The following DCLK1 variants were observed in gnomAD, a reference collection of about 807,000 sequenced individuals.
DCLK1 encodes serine/threonine-protein kinase DCLK1.
In DCLK1, 16 loss-of-function variants were observed where a neutral mutation model predicts 86.2. The ratio of observed to expected loss-of-function variants is 0.19; its 90% CI spans 0.13 to 0.28. DCLK1 has a LOEUF of 0.28. Among genes scored for constraint, DCLK1 ranks in the 10% least tolerant of loss-of-function variants. The pLI, the probability that DCLK1 is intolerant of heterozygous loss-of-function variation, is 1.00. For synonymous variants in DCLK1, 369 were observed against 370.5 expected (o/e 1.00, Z 0.05); for missense variants, 590 against 940.2 (o/e 0.63, Z 4.87).
intron 3 of DCLK1, among the ~76,000 whole-genome samples, chr13:36,037,820 C>T (rs1415787238): frequency 1.3e-5 from 2 of 151,800 alleles, no homozygotes; most frequent in East Asian, 1.9e-4. Flanking sequence ...ATGAATTTAT[C>T]TAATTATCAC....
At chr13:35,912,998 C>G (rs966053669) in intron 4 of DCLK1, among the ~76,000 whole-genome samples, 1 of 152,222 alleles carries the variant, frequency 6.6e-6, no homozygotes, top group African/African-American at 2.4e-5. Context: ...ATGCTCCTTC[C>G]TGCAAAAGGT....
intron 4 of DCLK1, among the ~76,000 whole-genome samples, chr13:35,913,291 TAAAAGATAA>T (rs1191271928): frequency 6.6e-6 from 1 of 152,086 alleles, no homozygotes; most frequent in African/African-American, 2.4e-5. Context: ...CCTGGATACT[TAAAAGATAA>T]GGAAGATAAT....
intron 3 of DCLK1, among the ~76,000 whole-genome samples, chr13:36,108,506 T>G (rs1885486178): frequency 6.6e-6 from 1 of 152,152 alleles, no homozygotes; most frequent in Non-Finnish European, 1.5e-5. Context: ...CAGCATGTGG[T>G]CTGTGCCCTC....
At chr13:35,901,976 G>A (rs1282596571) in intron 4 of DCLK1, among the ~76,000 whole-genome samples, 2 of 152,156 alleles carry the variant, frequency 1.3e-5, no homozygotes, top group Admixed American at 1.3e-4. Context: ...AATGGCAGAA[G>A]AAATTGAACA....
At chr13:36,028,228 G>T (rs1164286432) in intron 3 of DCLK1, among the ~76,000 whole-genome samples, 1 of 152,170 alleles carries the variant, frequency 6.6e-6, no homozygotes, top group Non-Finnish European at 1.5e-5. Context: ...TACACCACTT[G>T]TAGTTAAGAT....
At chr13:36,049,751 T>C (rs1883059823) in intron 3 of DCLK1, among the ~76,000 whole-genome samples, 1 of 152,176 alleles carries the variant, frequency 6.6e-6, no homozygotes, top group African/African-American at 2.4e-5. Flanking sequence ...AAAATATGTA[T>C]AAGTCCTTAC....
At chr13:35,826,563 C>CG (rs1868479779) in intron 10 of DCLK1, among the ~76,000 whole-genome samples, 1 of 27,672 alleles carries the variant, frequency 3.6e-5, no homozygotes, top group Non-Finnish European at 1.4e-4. Context: ...AAGAAAGAAA[C>CG]AAGTCCTAAT....
intron 3 of DCLK1, among the ~76,000 whole-genome samples, chr13:35,963,031 G>A (rs1019988794): frequency 1.3e-5 from 2 of 152,112 alleles, no homozygotes; most frequent in Non-Finnish European, 2.9e-5. Flanking sequence ...AAGGAATCAC[G>A]ACAATGCCCC....
At chr13:36,085,754 G>C (rs1441426464) in intron 3 of DCLK1, among the ~76,000 whole-genome samples, 1 of 152,148 alleles carries the variant, frequency 6.6e-6, no homozygotes, top group Non-Finnish European at 1.5e-5. Context: ...CTCCCTGGGA[G>C]GGAAGGCTGG....
At chr13:36,034,543 T>G (rs1037998023) in intron 3 of DCLK1, among the ~76,000 whole-genome samples, 1 of 152,168 alleles carries the variant, frequency 6.6e-6, no homozygotes, top group East Asian at 1.9e-4. Context: ...AATTAAAAAA[T>G]TAGCCCAACA....
rs143891486 is a variant in DCLK1 at position 35,785,308 on chromosome 13, A to G, written c.2058+8058T>C. On this transcript the variant is annotated intron_variant, in intron 16 of 16. Transcript: ENST00000360631. ...TGTGTGACAGCGTCCCCTTTGAATAAGGATGCATTTCCAGGAAGGGGAAAA... is the reference window on the plus strand; with the variant it reads ...TGTGTGACAGCGTCCCCTTTGAATAGGGATGCATTTCCAGGAAGGGGAAAA... 8.4e-4 allele frequency among the ~76,000 whole-genome samples: 128 copies of G among 152,214 alleles called. 1 individual carries two copies. In the East Asian group the frequency reaches 0.023, roughly 27 times the overall value.
chr13:35,855,422 A>G (rs531122934), intron 5 of DCLK1: 1 of 1,301,722 alleles, frequency 7.7e-7, no homozygotes, highest in African/African-American at 1.5e-5. Flanking sequence ...ACAGTCAGTG[A>G]AGTAGAATTA....
Position 36,125,991 on chromosome 13 carries a change from C to T in DCLK1, c.147G>A (p.Thr49=), listed in dbSNP as rs200647366. 4.6e-5 allele frequency: 74 copies of T among 1,614,042 alleles called. No homozygotes were observed. Among genetic ancestry groups the T allele is most frequent in the Admixed American group, 1.7e-4 (10 of 60,008 alleles). Residue 49 remains threonine (T), a synonymous_variant, in exon 2 of 17, where the codon ACG becomes ACA. Coordinates refer to ENST00000360631, the MANE Select transcript of DCLK1 (RefSeq NM_001330071.2). ...TCTTGGCCTTCTTCTCGGAGCTGAGCGTCTGCAGCGTGCGGGTGCGGTAGA... is the reference window on the plus strand; with the variant it reads ...TCTTGGCCTTCTTCTCGGAGCTGAGTGTCTGCAGCGTGCGGGTGCGGTAGA... The part of the protein sequence containing the change: ...CSFYRTRTLQ[T]LSSEKKAKKV...
chr13:36,061,549 C>A (rs1883548603), intron 3 of DCLK1, among the ~76,000 whole-genome samples: 1 of 152,168 alleles, frequency 6.6e-6, no homozygotes, highest in African/African-American at 2.4e-5. Context: ...TAGTTACTTT[C>A]TCTCCTTCTA....
At chr13:36,036,558 T>G (rs556626660) in intron 3 of DCLK1, among the ~76,000 whole-genome samples, 1 of 152,322 alleles carries the variant, frequency 6.6e-6, no homozygotes, top group South Asian at 2.1e-4. Flanking sequence ...GTAATCACAA[T>G]GACTCCTTAT....
intron 5 of DCLK1, among the ~76,000 whole-genome samples, chr13:35,859,954 T>C (rs1346482225): frequency 6.6e-6 from 1 of 152,212 alleles, no homozygotes; most frequent in East Asian, 1.9e-4. Flanking sequence ...TGTTAGTAAG[T>C]GTCTCAAATT....
chr13:35,938,446 G>A (rs754978463), intron 4 of DCLK1, among the ~76,000 whole-genome samples: 10 of 152,196 alleles, frequency 6.6e-5, no homozygotes, highest in South Asian at 2.1e-4. Flanking sequence ...TGGCTAACAC[G>A]GTGAAACCCC....
At chr13:35,811,119 A>T in intron 11 of DCLK1, 151 bp from the exon 12 acceptor site, 1 of 901,422 alleles carries the variant, frequency 1.1e-6, no homozygotes, top group South Asian at 1.6e-5. Flanking sequence ...CATACAAAAT[A>T]GCTTACTTCC....
At chr13:35,861,823 G>A (rs1009225553) in intron 5 of DCLK1, among the ~76,000 whole-genome samples, 13 of 143,390 alleles carry the variant, frequency 9.1e-5, no homozygotes, top group African/African-American at 3.0e-4. Flanking sequence ...TCAGAAGATC[G>A]AGACCACCCT....
Sources: allele counts gnomAD v4.1 joint callset (sites outside exome capture counted in the v4.1 genomes callset), GRCh38; gene constraint gnomAD v4.1.1; transcripts MANE v1.5; gene names NCBI Gene and HGNC (gene_info 2026-07-23, HGNC 2026-07-21).